PIAS2: variants seen among roughly 807,000 people sequenced by gnomAD.
PIAS2 encodes protein inhibitor of activated STAT 2.
Under a neutral mutation model 69.7 loss-of-function variants are expected in PIAS2, and 19 were observed. The observed-to-expected ratio is 0.27, with a 90% CI of 0.19 to 0.40. The LOEUF (loss-of-function observed/expected upper bound fraction) is 0.40, where lower values mean the gene tolerates loss of function less well. Among genes scored for constraint, PIAS2 ranks in the 10% least tolerant of loss-of-function variants. The pLI, the probability that PIAS2 is intolerant of heterozygous loss-of-function variation, is 1.00. For synonymous variants in PIAS2, 261 were observed against 263.2 expected, an observed-to-expected ratio of 0.99 and a Z score of 0.08; for missense variants, 624 against 757.0, an observed-to-expected ratio of 0.82 and a Z score of 2.06.
chr18:46,890,170 G>A (rs1182078846), intron 2 of PIAS2, among the ~76,000 whole-genome samples: 1 of 152,200 alleles, frequency 6.6e-6, no homozygotes, highest in Non-Finnish European at 1.5e-5. Context: ...AATGGTAACT[G>A]CCAGGGGCTA....
At chr18:46,893,567 A>C in intron 1 of PIAS2, 1 of 374,138 alleles carries the variant, frequency 2.7e-6, no homozygotes, top group South Asian at 1.1e-4. Flanking sequence ...TAAGAAAGAG[A>C]TAAGAGCTTA....
At chr18:46,907,191 G>T (rs1408016506) in intron 1 of PIAS2, among the ~76,000 whole-genome samples, 1 of 152,148 alleles carries the variant, frequency 6.6e-6, no homozygotes, top group Non-Finnish European at 1.5e-5. Flanking sequence ...GCAAGAGATG[G>T]TTTCCAAGAT....
At chr18:46,892,951 T>TA (rs2054285371) in intron 1 of PIAS2, among the ~76,000 whole-genome samples, 3 of 152,178 alleles carry the variant, frequency 2.0e-5, no homozygotes, top group African/African-American at 7.2e-5. Context: ...ATTTTACACT[T>TA]ACAATACATC....
chr18:46,850,642 T>A (rs2046825079), intron 5 of PIAS2, among the ~76,000 whole-genome samples: 1 of 152,176 alleles, frequency 6.6e-6, no homozygotes, highest in African/African-American at 2.4e-5. Flanking sequence ...GAAGGTGGTT[T>A]GCCCTGTTTT....
intron 12 of PIAS2, chr18:46,817,081 C>G (rs2041640778): frequency 1.1e-6 from 1 of 942,178 alleles, no homozygotes. Context: ...AATGGTATAA[C>G]CGTTTTCTTT....
At position 46,806,543 on chromosome 18, in the gene PIAS2, A is replaced by G. The variant is rs2040699086; in HGVS notation, c.*5890T>C. 1 of 151,470 alleles carries G rather than the reference A, an allele frequency of 6.6e-6. No homozygotes were observed. Among genetic ancestry groups the G allele is most frequent in the Non-Finnish European group, 1.5e-5 (1 of 67,910 alleles). The allele number at this position is 151,470 out of a possible 1,614,324, so 9.4% of individuals were successfully genotyped here. A position where few individuals can be genotyped will look rare whatever the true frequency, so the allele number is the denominator to read the frequency against. Reference sequence around the variant, plus strand: ...CTAATTTTTTGTATTTTTAGTAGAGATGGGGTTTTACCAAGTTGGCCAGGC... The same window carrying G: ...CTAATTTTTTGTATTTTTAGTAGAGGTGGGGTTTTACCAAGTTGGCCAGGC... On this transcript the variant is annotated 3_prime_UTR_variant, in exon 14 of 14. Coordinates refer to ENST00000585916, the MANE Select transcript of PIAS2 (RefSeq NM_004671.5).
chr18:46,851,407 A>C (rs549260637), intron 5 of PIAS2, among the ~76,000 whole-genome samples: 17 of 152,362 alleles, frequency 1.1e-4, no homozygotes, highest in African/African-American at 3.8e-4. Flanking sequence ...TAGAAGAAAA[A>C]TAATCCAGCT....
chr18:46,909,433 A>C (rs528186256), intron 1 of PIAS2, among the ~76,000 whole-genome samples: 3 of 152,220 alleles, frequency 2.0e-5, no homozygotes, highest in African/African-American at 7.2e-5. Context: ...GTTTTGGTAG[A>C]GATGGGGTTT....
rs530315082 is a variant in PIAS2 at position 46,815,330 on chromosome 18, A to T, written c.1668T>A (p.Leu556=). 1.6e-5 allele frequency: 26 copies of T among 1,612,118 alleles called. 1 individual carries two copies. In the South Asian group the frequency reaches 2.6e-4, roughly 16 times the overall value. ...TACATACCTGGGGATCAACTGGAAT[A>T]AGGGAAAGAAAATCCAAACCTAAAA... is the stretch of plus-strand genomic sequence containing the variant. ...SDLPGLDFLS[L]IPVDPQYCPP... is the part of the protein sequence containing the mutation. Residue 556 remains leucine (L), a synonymous_variant, in exon 13 of 14, where the codon CTT becomes CTA. Coordinates refer to ENST00000585916, the MANE Select transcript of PIAS2 (RefSeq NM_004671.5).
chr18:46,894,387 C>T (rs1368612116), intron 1 of PIAS2, among the ~76,000 whole-genome samples: 2 of 152,152 alleles, frequency 1.3e-5, no homozygotes, highest in Non-Finnish European at 2.9e-5. Context: ...GCTATGAACA[C>T]TACCAAGAAT....
At chr18:46,860,685 G>C (rs1288375909) in intron 3 of PIAS2, among the ~76,000 whole-genome samples, 1 of 152,186 alleles carries the variant, frequency 6.6e-6, no homozygotes, top group Non-Finnish European at 1.5e-5. Context: ...TAAACGGGCT[G>C]GGAATGCTGG....
intron 3 of PIAS2, among the ~76,000 whole-genome samples, chr18:46,860,680 G>T (rs912903788): frequency 6.6e-6 from 1 of 152,118 alleles, no homozygotes; most frequent in Non-Finnish European, 1.5e-5. Context: ...ACGAATAAAC[G>T]GGCTGGGAAT....
At chr18:46,816,858 T>C (rs2041609978) in intron 12 of PIAS2, 1 of 977,698 alleles carries the variant, frequency 1.0e-6, no homozygotes, top group Non-Finnish European at 1.2e-6. Context: ...ACAACAAACT[T>C]TTCCAATGAC....
rs1460531360 is a variant in PIAS2 at position 46,803,272 on chromosome 18, T to C, written c.*9161A>G. ...CTTTAATGTCTTACAATCAGGTACT[T>C]AGATTCAATAAAATATGGTGGTATT... On this transcript the variant is annotated 3_prime_UTR_variant, in exon 14 of 14. Coordinates refer to ENST00000585916, the MANE Select transcript of PIAS2 (RefSeq NM_004671.5). 3.3e-5 allele frequency: 5 copies of C among 152,112 alleles called. No homozygotes were observed. Among genetic ancestry groups the C allele is most frequent in the African/African-American group, 1.2e-4 (5 of 41,400 alleles). The allele number at this position is 152,112 out of a possible 1,614,324, so 9.4% of individuals were successfully genotyped here. A position where few individuals can be genotyped will look rare whatever the true frequency, so the allele number is the denominator to read the frequency against.
At chr18:46,873,856 C>T (rs1266098774) in intron 2 of PIAS2, among the ~76,000 whole-genome samples, 1 of 152,170 alleles carries the variant, frequency 6.6e-6, no homozygotes, top group African/African-American at 2.4e-5. Context: ...CTCTGAAACG[C>T]CCGTTTTTCA....
intron 2 of PIAS2, among the ~76,000 whole-genome samples, chr18:46,882,694 G>C (rs1352119465): frequency 6.6e-6 from 1 of 152,142 alleles, no homozygotes; most frequent in African/African-American, 2.4e-5. Context: ...CATCAAAAAA[G>C]TACTGGGTAA....
intron 12 of PIAS2, chr18:46,817,042 AG>A (rs2041637010): frequency 1.1e-6 from 1 of 938,680 alleles, no homozygotes; most frequent in African/African-American, 1.8e-5. Context: ...AAGTAAAAAA[AG>A]TTTATTGGAA....
At chr18:46,916,864 GA>G in intron 1 of PIAS2, 1 of 985,566 alleles carries the variant, frequency 1.0e-6, no homozygotes, top group Non-Finnish European at 1.2e-6. Context: ...AAGAAGAGGA[GA>G]GATTCCTAAA....
intron 12 of PIAS2, chr18:46,818,038 C>T: frequency 2.0e-6 from 2 of 991,102 alleles, no homozygotes; most frequent in Non-Finnish European, 2.4e-6. Context: ...TGCTCAATTA[C>T]TTTTAACTAA....
Sources: gnomAD v4.1 joint callset for allele counts (sites outside exome capture counted in the v4.1 genomes callset) on GRCh38, gnomAD v4.1.1 for gene constraint, MANE v1.5 for transcripts, NCBI Gene and HGNC (gene_info 2026-07-23, HGNC 2026-07-21) for gene names.